OGDH: variants seen among roughly 807,000 people sequenced by gnomAD.
OGDH encodes the protein 2-oxoglutarate dehydrogenase complex component E1.
Under a neutral mutation model 116.6 loss-of-function variants are expected in OGDH, and 38 were observed. The ratio of observed to expected loss-of-function variants is 0.33; its 90% confidence interval spans 0.25 to 0.43. The LOEUF is 0.43. Ranked by LOEUF, OGDH falls within the 20% of genes least tolerant of loss-of-function variation. The pLI is 1.00. For missense variants in OGDH, 825 were observed against 1,357.2 expected (o/e 0.61, Z 6.16); for synonymous variants, 488 against 533.3 (o/e 0.92, Z 1.17).
chr7:44,665,247 C>T (rs1184012273), intron 4 of OGDH, among the ~76,000 whole-genome samples: 2 of 142,554 alleles, frequency 1.4e-5, no homozygotes, highest in Non-Finnish European at 3.0e-5. Context: ...GGTGTTCAGG[C>T]TTAACTAAGC....
intron 2 of OGDH, among the ~76,000 whole-genome samples, chr7:44,644,847 G>A (rs1786098335): frequency 6.6e-6 from 1 of 152,176 alleles, no homozygotes; most frequent in Admixed American, 6.5e-5. Context: ...TGAGGGAGGT[G>A]TTTGATGGGG....
Position 44,694,572 on chromosome 7 carries a change from A to G in OGDH, c.1664A>G (p.Tyr555Cys). Residue 555 changes from tyrosine (Y) to cysteine (C), a missense_variant, in exon 12 of 23, where the codon TAT becomes TGT. Transcript: ENST00000222673. The surrounding 1 kb of genome is among the most constrained non-coding windows in gnomAD (Gnocchi z 4.2). ...CAGGGTGTGGTCAACCAGCCTGAGT[A>G]TGAGGTACGTCCCTGCGGCTCTATC... ...VSQGVVNQPE[Y>C]EEEISKYDKI... is the part of the protein sequence containing the mutation. 1.2e-6 allele frequency: 2 copies of G among 1,614,124 alleles called. No homozygotes were observed. The highest frequency in any genetic ancestry group is 1.7e-6 in the Non-Finnish European group (2 of 1,180,032).
intron 1 of OGDH, among the ~76,000 whole-genome samples, chr7:44,614,303 G>GTTTTTTTTTTTTTTTT (rs1223054626): frequency 2.7e-5 from 3 of 112,684 alleles, no homozygotes; most frequent in Non-Finnish European, 5.7e-5. Context: ...GGTTTTTTTT[G>GTTTTTTTTTTTTTTTT]TTTTTTTTGT....
At position 44,645,288 on chromosome 7, in the gene OGDH, G is replaced by A. The variant is rs760785834; in HGVS notation, c.223-39G>A. ...GGCCACAGATGCATCCTGGACTTAGGGGAGCAGTGAGGTAACCCTGTACCT... is the reference window on the plus strand; with the variant it reads ...GGCCACAGATGCATCCTGGACTTAGAGGAGCAGTGAGGTAACCCTGTACCT... On this transcript the variant is annotated intron_variant, in intron 2 of 22. Coordinates refer to ENST00000222673, the MANE Select transcript of OGDH (RefSeq NM_002541.4). The A allele has an allele frequency of 3.1e-5, 49 of 1,582,036 alleles. No homozygotes were observed. In the Middle Eastern group the frequency reaches 1.0e-3, roughly 32 times the overall value.
intron 2 of OGDH, among the ~76,000 whole-genome samples, chr7:44,629,917 T>C (rs1785364273): frequency 6.6e-6 from 1 of 152,150 alleles, no homozygotes; most frequent in Non-Finnish European, 1.5e-5. Flanking sequence ...TTCTTGCACT[T>C]TTCACGTGTC....
At chr7:44,629,724 C>T (rs961631043) in intron 2 of OGDH, among the ~76,000 whole-genome samples, 4 of 151,764 alleles carry the variant, frequency 2.6e-5, no homozygotes, top group South Asian at 2.1e-4. Context: ...GGATTACAGA[C>T]GTGCCCCATC....
At chr7:44,624,636 A>G (rs1306322859) in intron 2 of OGDH, 71 bp downstream of exon 2, 3 of 1,346,994 alleles carry the variant, frequency 2.2e-6, no homozygotes, top group Non-Finnish European at 3.2e-6. Flanking sequence ...TCACCAGGTA[A>G]GTGTGTGCGT....
Position 44,625,417 on chromosome 7 carries a change from G to A in OGDH, c.222+852G>A, listed in dbSNP as rs530373746. On this transcript the variant is annotated intron_variant, in intron 2 of 22. Coordinates refer to ENST00000222673, the MANE Select transcript of OGDH (RefSeq NM_002541.4). ...TGGGATTACAGGTATGATCAACCAC[G>A]CCTGGCCATGTCATGCCTTGTGACA... Among the ~76,000 whole-genome samples the A allele has an allele frequency of 9.9e-5, 15 of 152,278 alleles. No individual in the cohort carries two copies. The South Asian group carries it at 2.3e-3, about 23-fold the overall frequency.
chr7:44,675,349 C>T, intron 8 of OGDH, 81 bp downstream of exon 8: 2 of 1,131,470 alleles, frequency 1.8e-6, no homozygotes. Flanking sequence ...CTTAGAATGA[C>T]TTACGGGGGG....
At chr7:44,630,881 T>C (rs1337100118) in intron 2 of OGDH, among the ~76,000 whole-genome samples, 1 of 152,136 alleles carries the variant, frequency 6.6e-6, no homozygotes, top group Non-Finnish European at 1.5e-5. Flanking sequence ...ACATCAGGCA[T>C]TAGTTAGATT....
Position 44,700,543 on chromosome 7 carries a change from G to A in OGDH, c.2559+274G>A, listed in dbSNP as rs142216187. ...TCACATAGGCTGCAGGCCCCAGCCC[G>A]GTGGGGAGGACGGATGTTTGAACAG... On this transcript the variant is annotated intron_variant, in intron 19 of 22. Coordinates refer to ENST00000222673, the MANE Select transcript of OGDH (RefSeq NM_002541.4). Among the ~76,000 whole-genome samples the A allele has an allele frequency of 5.3e-3, 813 of 152,320 alleles. 23 individuals are homozygous for A. Among genetic ancestry groups the A allele is most frequent in the Admixed American group, 0.049 (743 of 15,292 alleles).
At position 44,626,289 on chromosome 7, in the gene OGDH, TCACA is replaced by T. The variant is rs374123965; in HGVS notation, c.222+1734_222+1737del. ...CTGTGGTTGCAGATTGTGGCAGATTTCACACACACACACCCCTACACACACACAC... is the reference window on the plus strand; with the variant it reads ...CTGTGGTTGCAGATTGTGGCAGATTTCACACACACCCCTACACACACACAC... On this transcript the variant is annotated intron_variant, in intron 2 of 22. Transcript: ENST00000222673. 2.9e-3 allele frequency among the ~76,000 whole-genome samples: 395 copies of T among 137,026 alleles called. 2 individuals carry two copies. Among genetic ancestry groups the T allele is most frequent in the African/African-American group, 0.01 (382 of 38,156 alleles). 89.9% of individuals were successfully genotyped at this position (137,026 alleles called of 152,430 possible).
chr7:44,665,246 G>A (rs1164492443), intron 4 of OGDH, among the ~76,000 whole-genome samples: 5 of 144,598 alleles, frequency 3.5e-5, no homozygotes, highest in Non-Finnish European at 7.4e-5. Context: ...GGGTGTTCAG[G>A]CTTAACTAAG....
chr7:44,705,238 G>C (rs1043040823), intron 20 of OGDH, among the ~76,000 whole-genome samples: 3 of 147,126 alleles, frequency 2.0e-5, no homozygotes, highest in African/African-American at 7.7e-5. Flanking sequence ...ATTTTTAGTA[G>C]AGACGGGGTT....
At chr7:44,675,516 T>C (rs576449326) in intron 8 of OGDH, among the ~76,000 whole-genome samples, 62 of 152,176 alleles carry the variant, frequency 4.1e-4, no homozygotes, top group Non-Finnish European at 7.5e-4. Flanking sequence ...GTTCTCCTTA[T>C]GCCCTGGATG....
chr7:44,668,383 C>T (rs1168670480), intron 5 of OGDH, among the ~76,000 whole-genome samples: 2 of 152,062 alleles, frequency 1.3e-5, no homozygotes, highest in Non-Finnish European at 2.9e-5. Context: ...TTGCAGTGAG[C>T]GAAGATCGCG....
At chr7:44,626,602 G>A (rs1785218059) in intron 2 of OGDH, among the ~76,000 whole-genome samples, 1 of 152,322 alleles carries the variant, frequency 6.6e-6, no homozygotes, top group Non-Finnish European at 1.5e-5. Context: ...TGAAGGTTTG[G>A]TCCTCAGTGA....
At chr7:44,616,922 T>G (rs13307018) in intron 1 of OGDH, among the ~76,000 whole-genome samples, 918 of 122,430 alleles carry the variant, frequency 7.5e-3, no homozygotes, top group African/African-American at 0.025. Context: ...CTGCACTCCA[T>G]CCTGGACGAC....
intron 2 of OGDH, among the ~76,000 whole-genome samples, chr7:44,642,987 G>C (rs1403227317): frequency 6.6e-6 from 1 of 151,468 alleles, no homozygotes; most frequent in Non-Finnish European, 1.5e-5. Context: ...CCTGGTCCTG[G>C]TGACTCACAA....
Sources: gnomAD v4.1 joint callset for allele counts (sites outside exome capture counted in the v4.1 genomes callset) on GRCh38, gnomAD v4.1.1 for gene constraint, Gnocchi (gnomAD v3.1) non-coding constraint, MANE v1.5 for transcripts, NCBI Gene and HGNC (gene_info 2026-07-23, HGNC 2026-07-21) for gene names.